TCF7: variants seen among roughly 807,000 people sequenced by gnomAD.
TCF7 encodes T-cell-factor-7.
A neutral mutation model predicts 46.8 loss-of-function variants in TCF7; 19 were observed. That is an observed-to-expected ratio of 0.41 (90% CI 0.28 to 0.60). The LOEUF (loss-of-function observed/expected upper bound fraction) is 0.60. TCF7 is among the 20% of genes least tolerant of loss of function. The pLI is 0.35. For synonymous variants in TCF7, 245 were observed against 213.4 expected (o/e 1.15, Z -1.29); for missense variants, 547 against 504.6 (o/e 1.08, Z -0.81).
Position 134,115,926 on chromosome 5 carries a change from TGCACCAGCG to T in TCF7, c.338_346del (p.Thr113_Gly115del). ...TTTTCCAGGCCTGAAGGCCCCGGAG[TGCACCAGCG>T]GCATGTACAAAGAGACCGTCTACTC... On this transcript the variant is annotated inframe_deletion, in exon 3 of 10. Transcript: ENST00000342854. The T allele has an allele frequency of 6.2e-7, 1 of 1,613,914 alleles. No homozygotes were observed. The highest frequency in any genetic ancestry group is 2.2e-5 in the East Asian group (1 of 44,884).
At chr5:134,143,762 T>C (rs943447455) in intron 9 of TCF7, 122 bp downstream of exon 9, 2 of 1,133,776 alleles carry the variant, frequency 1.8e-6, no homozygotes, top group Admixed American at 2.4e-5. Context: ...GCCTGGGGCC[T>C]ATGAAAACAA....
intron 9 of TCF7, 59 bp downstream of exon 9, chr5:134,143,699 G>T: frequency 6.2e-7 from 1 of 1,603,290 alleles, no homozygotes; most frequent in East Asian, 2.2e-5. Flanking sequence ...TTCAAGAGCA[G>T]CCCTCCTCTG....
rs151023392 is a variant in TCF7 at position 134,136,772 on chromosome 5, C to T, written c.442-1287C>T. ...GAGATGCCTGAAGCTCTTAAGGAGT[C>T]TGGCTAAATTCACCCAGTCAGGAAT... On this transcript the variant is annotated intron_variant, in intron 3 of 9. Coordinates refer to ENST00000342854, the MANE Select transcript of TCF7 (RefSeq NM_003202.5). Among the ~76,000 whole-genome samples the T allele has an allele frequency of 8.3e-3, 1,265 of 152,326 alleles. 13 individuals are homozygous for T. The highest frequency in any genetic ancestry group is 0.027 in the Middle Eastern group (8 of 294).
intron 3 of TCF7, among the ~76,000 whole-genome samples, chr5:134,124,883 C>A (rs889273949): frequency 1.3e-5 from 2 of 152,172 alleles, no homozygotes; most frequent in African/African-American, 4.8e-5. Context: ...GGTTTGGGTG[C>A]CAGTGGTGGC....
rs1320811414 is a variant in TCF7, at chr5:134,134,601, C to A, written c.442-3458C>A. On this transcript the variant is annotated intron_variant, in intron 3 of 9. Coordinates refer to ENST00000342854, the MANE Select transcript of TCF7 (RefSeq NM_003202.5). Reference sequence around the variant, plus strand: ...CCAGGAAACTTCCTACTTTAACAGGCCCTTGGCTCCTTCTCCCTGGAACTT... The same window carrying A: ...CCAGGAAACTTCCTACTTTAACAGGACCTTGGCTCCTTCTCCCTGGAACTT... Among the ~76,000 whole-genome samples, 5 of 152,180 alleles carry A rather than the reference C, an allele frequency of 3.3e-5. No homozygotes were observed. The East Asian group carries it at 5.8e-4, about 18-fold the overall frequency.
upstream of TCF7, among the ~76,000 whole-genome samples, chr5:134,111,436 G>T (rs1755328003): frequency 6.6e-6 from 1 of 152,180 alleles, no homozygotes; most frequent in Non-Finnish European, 1.5e-5. Context: ...GGCAACCACA[G>T]CAGATTGCAC....
intron 3 of TCF7, 123 bp from the exon 4 acceptor site, chr5:134,137,936 G>A (rs779968892): frequency 2.3e-4 from 171 of 742,342 alleles, no homozygotes; most frequent in Non-Finnish European, 3.4e-4. Context: ...TACCCCCTTC[G>A]CTGAGGCCTG....
chr5:134,143,770 C>G (rs1361684684), intron 9 of TCF7, 130 bp downstream of exon 9: 55 of 976,398 alleles, frequency 5.6e-5, no homozygotes, highest in Non-Finnish European at 7.9e-5. Context: ...CCTATGAAAA[C>G]AAGGCCTGCA....
At chr5:134,144,890 GT>G in intron 9 of TCF7, 1 of 1,608,920 alleles carries the variant, frequency 6.2e-7, no homozygotes. Flanking sequence ...CCCCACCATC[GT>G]TCTCCCTTTG....
chr5:134,122,413 G>A (rs1756724099), intron 3 of TCF7, among the ~76,000 whole-genome samples: 1 of 152,124 alleles, frequency 6.6e-6, no homozygotes, highest in African/African-American at 2.4e-5. Context: ...CAGTTTCCAC[G>A]GCAGCACACG....
chr5:134,138,751 C>CCT, intron 4 of TCF7, 200 bp from the exon 5 acceptor site: 1 of 777,450 alleles, frequency 1.3e-6, no homozygotes, highest in East Asian at 2.8e-5. Context: ...TCACCCCAGC[C>CCT]CTCTGCCCTG....
At chr5:134,111,361 CAGA>C (rs1243904184), upstream of TCF7, among the ~76,000 whole-genome samples, 6 of 152,138 alleles carry the variant, frequency 3.9e-5, no homozygotes, top group South Asian at 2.1e-4. Flanking sequence ...TGGATGAATC[CAGA>C]AGACTCTGGG....
chr5:134,140,972 C>T, intron 5 of TCF7: 3 of 330,502 alleles, frequency 9.1e-6, no homozygotes, highest in South Asian at 6.6e-5. Context: ...CAGGCCAGTG[C>T]TTGCCCTGTG....
At chr5:134,141,910 A>C in intron 5 of TCF7, 1 of 302,902 alleles carries the variant, frequency 3.3e-6, no homozygotes, top group Non-Finnish European at 6.1e-6. Flanking sequence ...TGGTAGGGGA[A>C]GGACGTGAGA....
upstream of TCF7, among the ~76,000 whole-genome samples, chr5:134,112,898 T>C (rs1165854896): frequency 1.3e-5 from 2 of 152,060 alleles, no homozygotes; most frequent in Non-Finnish European, 2.9e-5. Flanking sequence ...AACTCATGGG[T>C]CTGGGGACAG....
chr5:134,123,815 G>A (rs770908776), intron 3 of TCF7: 18 of 456,196 alleles, frequency 3.9e-5, no homozygotes, highest in South Asian at 1.9e-4. Flanking sequence ...GGACAAAGGC[G>A]GGGAGAGCCA....
intron 3 of TCF7, among the ~76,000 whole-genome samples, chr5:134,136,797 T>C (rs1263309222): frequency 6.6e-6 from 1 of 152,164 alleles, no homozygotes; most frequent in Admixed American, 6.5e-5. Context: ...CAGTCAGGAA[T>C]TGCACTCACA....
intron 3 of TCF7, among the ~76,000 whole-genome samples, chr5:134,135,899 G>GA (rs1223570348): frequency 2.6e-5 from 4 of 152,222 alleles, no homozygotes. Flanking sequence ...GCCAAGTGAA[G>GA]AAACTCTTTC....
At chr5:134,140,819 T>C (rs1206692407) in intron 5 of TCF7, 1 of 455,596 alleles carries the variant, frequency 2.2e-6, no homozygotes, top group Non-Finnish European at 4.4e-6. Context: ...CTCTACCCCC[T>C]GTCCCCTTCC....
Sources: gnomAD v4.1 joint callset for allele counts (sites outside exome capture counted in the v4.1 genomes callset) on GRCh38, gnomAD v4.1.1 for gene constraint, MANE v1.5 for transcripts, NCBI Gene and HGNC (gene_info 2026-07-23, HGNC 2026-07-21) for gene names.